Variants in GIMAP8 observed in about 807,000 individuals in gnomAD.
GIMAP8 encodes the protein GTPase IMAP family member 8.
Under a neutral mutation model 35.6 loss-of-function variants are expected in GIMAP8, and 29 were observed. That is an observed-to-expected ratio of 0.81 (90% CI 0.61 to 1.11). The LOEUF (loss-of-function observed/expected upper bound fraction) is 1.11. Among genes scored for constraint, GIMAP8 ranks in the 50% most tolerant of loss-of-function variants. The pLI is 0.00. For missense variants in GIMAP8, 811 were observed against 805.0 expected, an observed-to-expected ratio of 1.01 and a Z score of -0.09; for synonymous variants, 335 against 308.7, an observed-to-expected ratio of 1.09 and a Z score of -0.89.
chr7:150,470,791 T>C (rs769179743), intron 2 of GIMAP8, 38 bp from the exon 3 acceptor site: 2 of 1,253,282 alleles, frequency 1.6e-6, no homozygotes, highest in Non-Finnish European at 2.3e-6. Context: ...GATGAGGTTT[T>C]AGATCTGTGT....
chr7:150,454,220 T>C (rs186093108), intron 1 of GIMAP8, among the ~76,000 whole-genome samples: 11 of 151,166 alleles, frequency 7.3e-5, no homozygotes, highest in African/African-American at 2.4e-4. Context: ...GTGACCACTA[T>C]AAAGGCTTTG....
chr7:150,451,945 G>T lies in GIMAP8; in HGVS notation c.-29+770G>T, dbSNP rs554328019. Among the ~76,000 whole-genome samples the T allele has an allele frequency of 3.9e-4, 60 of 152,284 alleles. No homozygotes were observed. The South Asian group carries it at 0.012, about 31-fold the overall frequency. On this transcript the variant is annotated intron_variant, in intron 1 of 4. Transcript: ENST00000307271. This position sits in a 1 kb window ranked among gnomAD's most constrained non-coding sequence, Gnocchi z 4.1. ...GGTCTTCCCCACGCTGGGCTCTGGAGGCATCTCCAACCACCCTGCTCTGTA... is the reference window on the plus strand; with the variant it reads ...GGTCTTCCCCACGCTGGGCTCTGGATGCATCTCCAACCACCCTGCTCTGTA...
At chr7:150,471,003 G>A (rs1466998879) in intron 3 of GIMAP8, 129 bp downstream of exon 3, 4 of 710,802 alleles carry the variant, frequency 5.6e-6, no homozygotes, top group Admixed American at 2.2e-5. Context: ...GCTGAGGTTG[G>A]TTCCCACAAG....
intron 1 of GIMAP8, among the ~76,000 whole-genome samples, chr7:150,452,862 A>G (rs1039271753): frequency 1.3e-5 from 2 of 151,082 alleles, no homozygotes; most frequent in Non-Finnish European, 2.9e-5. Context: ...TGTTGGGGTT[A>G]CAGGCGTGAG....
Position 150,452,324 on chromosome 7 carries a change from G to T in GIMAP8, c.-29+1149G>T, listed in dbSNP as rs765987113. Among the ~76,000 whole-genome samples, 707 of 146,564 alleles carry T rather than the reference G, an allele frequency of 4.8e-3. 6 individuals are homozygous for T. The highest frequency in any genetic ancestry group is 0.019 in the African/African-American group (680 of 36,624). On this transcript the variant is annotated intron_variant, in intron 1 of 4. Transcript: ENST00000307271. ...GTGTGCATGTGCGTGTGTGTATGTGGGTGTGTGTGTGTAGGTCCTGACATC... is the reference window on the plus strand; with the variant it reads ...GTGTGCATGTGCGTGTGTGTATGTGTGTGTGTGTGTGTAGGTCCTGACATC...
At chr7:150,452,042 C>G (rs143494632) in intron 1 of GIMAP8, among the ~76,000 whole-genome samples, 1 of 152,180 alleles carries the variant, frequency 6.6e-6, no homozygotes, top group Admixed American at 6.5e-5. Flanking sequence ...CCTGAGTCCA[C>G]GTTTGCCTTG....
At position 150,477,472 on chromosome 7, in the gene GIMAP8, T is replaced by C. The variant is rs1480217273; in HGVS notation, c.1690T>C (p.Phe564Leu). 17 of 1,614,154 alleles carry C rather than the reference T, an allele frequency of 1.1e-5. No homozygotes were observed. Among genetic ancestry groups the C allele is most frequent in the Non-Finnish European group, 1.4e-5 (17 of 1,179,980 alleles). Residue 564 changes from phenylalanine to leucine, a missense_variant, in exon 5 of 5, where the codon TTC becomes CTC. Phe to Leu is a conservative substitution (Grantham distance 22, BLOSUM62 0). Coordinates refer to ENST00000307271, the MANE Select transcript of GIMAP8 (RefSeq NM_175571.4). The part of the protein sequence containing the change: ...ADFTKYAIML[F>L]TRKEDLGAGN... ...CTTTACGAAATACGCGATTATGCTG[T>C]TCACCCGGAAGGAAGACCTAGGGGC...
chr7:150,455,434 T>C (rs1218312560), intron 1 of GIMAP8, among the ~76,000 whole-genome samples: 1 of 152,206 alleles, frequency 6.6e-6, no homozygotes, highest in African/African-American at 2.4e-5. Context: ...TTAAGTAATA[T>C]TGGCATTTAG....
At chr7:150,456,456 T>C (rs958100745) in intron 1 of GIMAP8, among the ~76,000 whole-genome samples, 2 of 152,218 alleles carry the variant, frequency 1.3e-5, no homozygotes, top group Non-Finnish European at 2.9e-5. Context: ...TCCCTCTGTC[T>C]CTGTGACCTC....
At chr7:150,470,267 T>C (rs1442562590) in intron 2 of GIMAP8, among the ~76,000 whole-genome samples, 1 of 152,202 alleles carries the variant, frequency 6.6e-6, no homozygotes, top group East Asian at 1.9e-4. Context: ...TTTCCTTGGC[T>C]GGCATGAAGA....
At chr7:150,464,670 G>GA (rs566197231) in intron 1 of GIMAP8, among the ~76,000 whole-genome samples, 1 of 152,160 alleles carries the variant, frequency 6.6e-6, no homozygotes, top group Non-Finnish European at 1.5e-5. Flanking sequence ...GCAACAGAGA[G>GA]AGACCTTGTC....
intron 1 of GIMAP8, among the ~76,000 whole-genome samples, chr7:150,465,166 T>C (rs930287998): frequency 6.6e-6 from 1 of 151,954 alleles, no homozygotes; most frequent in African/African-American, 2.4e-5. Context: ...CTAGAAAGGG[T>C]GTGAAATAAC....
chr7:150,464,516 T>C (rs111819545), intron 1 of GIMAP8, among the ~76,000 whole-genome samples: 163 of 152,226 alleles, frequency 1.1e-3, no homozygotes, highest in African/African-American at 3.6e-3. Flanking sequence ...ACCCCATCTC[T>C]ACAAAAGATT....
At chr7:150,474,822 C>A (rs1231063277) in intron 4 of GIMAP8, among the ~76,000 whole-genome samples, 184 bp downstream of exon 4, 3 of 151,728 alleles carry the variant, frequency 2.0e-5, no homozygotes, top group African/African-American at 4.8e-5. Flanking sequence ...GCGCTGCACC[C>A]ACTAACTCGT....
rs1802312428 is a variant in GIMAP8 at position 150,479,201 on chromosome 7, G to C, written c.*1421G>C. The C allele has an allele frequency of 6.6e-6, 1 of 152,170 alleles. No homozygotes were observed. Among genetic ancestry groups the C allele is most frequent in the Non-Finnish European group, 1.5e-5 (1 of 68,036 alleles). The allele number at this position is 152,170 out of a possible 1,614,324, so 9.4% of individuals were successfully genotyped here. ...GCAGGAGGGTGAAGATTGAAAAGCT[G>C]CCTATTGCGTGTTATGCTGGTTTCC... is the stretch of plus-strand genomic sequence containing the variant. On this transcript the variant is annotated 3_prime_UTR_variant, in exon 5 of 5. Transcript: ENST00000307271.
intron 3 of GIMAP8, among the ~76,000 whole-genome samples, chr7:150,471,627 A>G (rs1219716937): frequency 6.6e-6 from 1 of 152,216 alleles, no homozygotes; most frequent in Non-Finnish European, 1.5e-5. Flanking sequence ...ACTTGATGCC[A>G]GGAGTTCAAG....
At chr7:150,468,319 C>T (rs1563285029) in intron 2 of GIMAP8, among the ~76,000 whole-genome samples, 2 of 152,194 alleles carry the variant, frequency 1.3e-5, no homozygotes, top group South Asian at 2.1e-4. Flanking sequence ...GTATTTGTAA[C>T]TAAGGAAGAT....
At position 150,474,536 on chromosome 7, in the gene GIMAP8, G is replaced by C. The variant is rs1183340385; in HGVS notation, c.1207G>C (p.Ala403Pro). 1 of 1,577,770 alleles carries C rather than the reference G, an allele frequency of 6.3e-7. No individual in the cohort carries two copies. ...KNRYSAFNYR[A>P]TGEEEQRQAD... ...CAGATATAGTGCCTTCAACTACCGG[G>C]CAACAGGAGAAGAAGAGCAAAGGCA... Residue 403 changes from alanine to proline, a missense_variant, in exon 4 of 5, where the codon GCA (alanine) becomes CCA (proline). Coordinates refer to ENST00000307271, the MANE Select transcript of GIMAP8 (RefSeq NM_175571.4).
rs768184173 is a variant in GIMAP8, at chr7:150,474,534, G to A, written c.1205G>A (p.Arg402Gln). The A allele has an allele frequency of 2.7e-5, 43 of 1,577,722 alleles. No individual in the cohort carries two copies. The highest frequency in any genetic ancestry group is 4.5e-5 in the East Asian group (2 of 44,884). Reference protein sequence around the residue: ...CKNRYSAFNYRATGEEEQRQA... With the variant: ...CKNRYSAFNYQATGEEEQRQA... The stretch of plus-strand genomic sequence containing the variant: ...AACAGATATAGTGCCTTCAACTACC[G>A]GGCAACAGGAGAAGAAGAGCAAAGG... The change falls in exon 4 of 5, where the codon CGG becomes CAG. Residue 402 changes from arginine (R) to glutamine (Q), a missense_variant. Transcript: ENST00000307271.
Sources: gnomAD v4.1 joint callset for allele counts (sites outside exome capture counted in the v4.1 genomes callset) on GRCh38, gnomAD v4.1.1 for gene constraint, Gnocchi (gnomAD v3.1) non-coding constraint, MANE v1.5 for transcripts, NCBI Gene and HGNC (gene_info 2026-07-23, HGNC 2026-07-21) for gene names.